The following RBPMS variants were observed in gnomAD, a reference collection of about 807,000 sequenced individuals.
The protein encoded by RBPMS is RNA-binding protein with multiple splicing.
In RBPMS, 7 loss-of-function variants were observed where a neutral mutation model predicts 26.8. The observed-to-expected ratio is 0.26, with a 90% CI of 0.15 to 0.49. The LOEUF is 0.49. Among genes scored for constraint, RBPMS ranks in the 20% least tolerant of loss-of-function variants. RBPMS has a pLI of 0.98. For synonymous variants in RBPMS, 96 were observed against 93.3 expected, an observed-to-expected ratio of 1.03 and a Z score of -0.17; for missense variants, 186 against 250.0, an observed-to-expected ratio of 0.74 and a Z score of 1.73.
chr8:30,481,905 G>GT (rs1818323763), intron 4 of RBPMS, among the ~76,000 whole-genome samples: 1 of 152,216 alleles, frequency 6.6e-6, no homozygotes, highest in Admixed American at 6.5e-5. Flanking sequence ...GTCAGCATGT[G>GT]TAAGTTTAGA....
chr8:30,504,258 A>G (rs1820862980), intron 4 of RBPMS, 28 bp from the exon 5 acceptor site: 1 of 1,612,616 alleles, frequency 6.2e-7, no homozygotes, highest in South Asian at 1.1e-5. Context: ...AAATGAAAAC[A>G]TCTTCCATTT....
intron 4 of RBPMS, among the ~76,000 whole-genome samples, chr8:30,482,160 C>T (rs1818346190): frequency 6.6e-6 from 1 of 152,118 alleles, no homozygotes; most frequent in South Asian, 2.1e-4. Flanking sequence ...TCTTTGTGAT[C>T]CAACATATTA....
intron 5 of RBPMS, among the ~76,000 whole-genome samples, chr8:30,512,659 G>A (rs900678804): frequency 2.6e-5 from 4 of 151,996 alleles, no homozygotes; most frequent in African/African-American, 9.7e-5. Flanking sequence ...ATGGGATCTC[G>A]CTGTGTCTCT....
chr8:30,552,497 C>T (rs1319561454), intron 6 of RBPMS: 1 of 152,218 alleles, frequency 6.6e-6, no homozygotes, highest in Admixed American at 6.5e-5. Flanking sequence ...CAACTTCAAG[C>T]TTTGTGCGTT....
intron 1 of RBPMS, among the ~76,000 whole-genome samples, chr8:30,414,312 G>C (rs1426059289): frequency 2.0e-5 from 3 of 152,208 alleles, no homozygotes; most frequent in Non-Finnish European, 4.4e-5. Context: ...TGTATCTGTG[G>C]ATGTTTATAG....
chr8:30,548,315 T>C (rs1826025368), intron 6 of RBPMS, among the ~76,000 whole-genome samples: 1 of 152,120 alleles, frequency 6.6e-6, no homozygotes, highest in Non-Finnish European at 1.5e-5. Context: ...CTTGTTGTGA[T>C]GGGCAGAGAG....
At chr8:30,532,773 C>A (rs1482170791) in intron 5 of RBPMS, among the ~76,000 whole-genome samples, 1 of 152,176 alleles carries the variant, frequency 6.6e-6, no homozygotes, top group African/African-American at 2.4e-5. Flanking sequence ...TCTTCGGACA[C>A]TTTTCAGATG....
At chr8:30,557,728 G>C (rs1036859883) in intron 6 of RBPMS, among the ~76,000 whole-genome samples, 2 of 152,238 alleles carry the variant, frequency 1.3e-5, no homozygotes, top group Admixed American at 1.3e-4. Context: ...GCTGCTCATG[G>C]TGGTCATGGG....
chr8:30,516,472 A>G (rs1563399361), intron 5 of RBPMS, among the ~76,000 whole-genome samples: 1 of 152,218 alleles, frequency 6.6e-6, no homozygotes, highest in East Asian at 1.9e-4. Flanking sequence ...TTCTGTAGTG[A>G]CTAGCCCACG....
At chr8:30,484,717 G>T (rs1322445297) in intron 4 of RBPMS, among the ~76,000 whole-genome samples, 1 of 152,152 alleles carries the variant, frequency 6.6e-6, no homozygotes, top group Non-Finnish European at 1.5e-5. Flanking sequence ...AAGAAAATAT[G>T]CTGAGAAAAG....
At chr8:30,430,298 A>G (rs569659610) in intron 1 of RBPMS, among the ~76,000 whole-genome samples, 27 of 152,334 alleles carry the variant, frequency 1.8e-4, no homozygotes, top group Middle Eastern at 6.8e-3. Flanking sequence ...TTGTCAATAG[A>G]GAAGAGAATC....
At chr8:30,560,276 G>A (rs544773134) in intron 7 of RBPMS, among the ~76,000 whole-genome samples, 2 of 152,274 alleles carry the variant, frequency 1.3e-5, no homozygotes, top group South Asian at 2.1e-4. Flanking sequence ...TTCTCATCAC[G>A]CAGGAGGCCG....
intron 1 of RBPMS, among the ~76,000 whole-genome samples, chr8:30,467,114 G>T (rs1816591009): frequency 6.6e-6 from 1 of 152,216 alleles, no homozygotes; most frequent in African/African-American, 2.4e-5. Flanking sequence ...CATTTCTGCT[G>T]AGCTGCAATC....
intron 7 of RBPMS, among the ~76,000 whole-genome samples, chr8:30,560,073 G>T (rs1208815146): frequency 6.6e-6 from 1 of 152,182 alleles, no homozygotes; most frequent in Non-Finnish European, 1.5e-5. Context: ...ACAAGAAAAA[G>T]ACACTAGAGC....
chr8:30,459,120 C>T (rs1380731164), intron 1 of RBPMS, among the ~76,000 whole-genome samples: 1 of 151,894 alleles, frequency 6.6e-6, no homozygotes, highest in East Asian at 1.9e-4. Flanking sequence ...TGCCACCACA[C>T]CCGGCTAGTT....
chr8:30,455,868 C>T (rs973817018), intron 1 of RBPMS, among the ~76,000 whole-genome samples: 1 of 151,664 alleles, frequency 6.6e-6, no homozygotes, highest in Non-Finnish European at 1.5e-5. Context: ...CGAGCCTGGG[C>T]GACAGAGTGA....
intron 5 of RBPMS, among the ~76,000 whole-genome samples, chr8:30,506,132 A>G (rs1821049510): frequency 6.6e-6 from 1 of 152,162 alleles, no homozygotes; most frequent in Admixed American, 6.5e-5. Context: ...GACATGCTAT[A>G]CAAAAGCAAC....
At chr8:30,547,427 T>TGTTTGTTA (rs767283601) in intron 6 of RBPMS, 2 of 1,589,252 alleles carry the variant, frequency 1.3e-6, no homozygotes, top group South Asian at 2.3e-5. Context: ...ATGTTGAATT[T>TGTTTGTTA]GTTTGTTAGC....
intron 1 of RBPMS, among the ~76,000 whole-genome samples, chr8:30,387,824 G>T (rs926038819): frequency 2.0e-5 from 3 of 152,104 alleles, no homozygotes; most frequent in Non-Finnish European, 4.4e-5. Flanking sequence ...AGCTTCTTTT[G>T]AGAGTTTCTA....
Sources: gnomAD v4.1 joint callset for allele counts (sites outside exome capture counted in the v4.1 genomes callset) on GRCh38, gnomAD v4.1.1 for gene constraint, MANE v1.5 for transcripts, NCBI Gene and HGNC (gene_info 2026-07-23, HGNC 2026-07-21) for gene names.